The following SPAG16 variants were observed in gnomAD, a reference collection of about 807,000 sequenced individuals.
SPAG16 encodes the protein sperm-associated antigen 16 protein.
Under a neutral mutation model 80.4 loss-of-function variants are expected in SPAG16, and 86 were observed. The ratio of observed to expected loss-of-function variants is 1.07; its 90% CI spans 0.90 to 1.28. The LOEUF is 1.28. Ranked by LOEUF, SPAG16 falls within the 50% of genes most tolerant of loss-of-function variation. The probability of loss-of-function intolerance (pLI) is 0.00; values close to 1 mark genes in which losing one functional copy is unlikely to be tolerated. For missense variants in SPAG16, 870 were observed against 765.3 expected, an observed-to-expected ratio of 1.14 and a Z score of -1.61; for synonymous variants, 294 against 265.9, an observed-to-expected ratio of 1.11 and a Z score of -1.03.
intron 11 of SPAG16, among the ~76,000 whole-genome samples, chr2:213,883,916 A>G (rs1593691): frequency 0.59 from 90,390 of 151,998 alleles, 28,764 homozygotes; most frequent in South Asian, 0.85. Flanking sequence ...TGTGTGATAT[A>G]TCTCTTGAAG....
chr2:213,376,579 A>C (rs1319555522), intron 9 of SPAG16, among the ~76,000 whole-genome samples: 1 of 152,074 alleles, frequency 6.6e-6, no homozygotes, highest in Non-Finnish European at 1.5e-5. Flanking sequence ...TTATTATAAC[A>C]AATGACTGAG....
chr2:213,923,345 G>A (rs7573872), intron 11 of SPAG16, among the ~76,000 whole-genome samples: 88,772 of 151,844 alleles, frequency 0.58, 27,752 homozygotes, highest in South Asian at 0.84. Flanking sequence ...AGGCAGCGTC[G>A]TGTGCCCTGC....
chr2:213,924,034 TG>T lies in SPAG16; in HGVS notation c.1215-5921del, dbSNP rs758227744. On this transcript the variant is annotated intron_variant, in intron 11 of 15. Coordinates refer to ENST00000331683, the MANE Select transcript of SPAG16 (RefSeq NM_024532.5). ...GCATTGCCTGCCTGCCTAGCAGTGG[TG>T]GGGGTGGGTGGAGTGGCAGGCCAAA... 1.3e-4 allele frequency: 19 copies of T among 149,978 alleles called. No individual in the cohort carries two copies. In the East Asian group the frequency reaches 2.4e-3, roughly 19 times the overall value. The allele number at this position is 149,978 out of a possible 1,614,324, so 9.3% of individuals were successfully genotyped here.
intron 11 of SPAG16, among the ~76,000 whole-genome samples, chr2:213,873,438 T>C (rs1446295978): frequency 6.6e-6 from 1 of 151,856 alleles, no homozygotes; most frequent in Non-Finnish European, 1.5e-5. Context: ...TTTGTTGCTC[T>C]TTTCAAAAAA....
intron 7 of SPAG16, among the ~76,000 whole-genome samples, chr2:213,363,515 C>T (rs1261497921): frequency 6.6e-6 from 1 of 151,906 alleles, no homozygotes; most frequent in Non-Finnish European, 1.5e-5. Context: ...AATAGCTTTT[C>T]AAGGTCAAAT....
intron 9 of SPAG16, among the ~76,000 whole-genome samples, chr2:213,458,240 T>C (rs2125601370): frequency 6.6e-6 from 1 of 152,200 alleles, no homozygotes; most frequent in East Asian, 1.9e-4. Flanking sequence ...AGCTTGCATC[T>C]GAGATCATTT....
At chr2:214,387,086 C>CT (rs1191624926) in intron 15 of SPAG16, among the ~76,000 whole-genome samples, 2 of 152,062 alleles carry the variant, frequency 1.3e-5, no homozygotes, top group Admixed American at 1.3e-4. Context: ...TCTGTTCAGT[C>CT]TTTTTCCCTT....
chr2:213,794,573 G>A (rs1227155814), intron 10 of SPAG16, among the ~76,000 whole-genome samples: 1 of 151,976 alleles, frequency 6.6e-6, no homozygotes, highest in Non-Finnish European at 1.5e-5. Context: ...TATCTCCAAA[G>A]GCAGATATTG....
At chr2:214,372,213 T>C (rs1256289049) in intron 15 of SPAG16, among the ~76,000 whole-genome samples, 1 of 152,190 alleles carries the variant, frequency 6.6e-6, no homozygotes, top group Non-Finnish European at 1.5e-5. Flanking sequence ...ATTAGGGACC[T>C]AAATTTCATG....
chr2:213,747,854 C>T (rs1178894374), intron 10 of SPAG16, among the ~76,000 whole-genome samples: 4 of 152,126 alleles, frequency 2.6e-5, no homozygotes, highest in Admixed American at 1.3e-4. Context: ...TTGTCTGTAA[C>T]GTTTGAATCA....
chr2:213,688,560 C>T (rs138372584), intron 10 of SPAG16, among the ~76,000 whole-genome samples: 2,575 of 152,144 alleles, frequency 0.017, 35 homozygotes, highest in South Asian at 0.038. Context: ...AAGTAAGTCA[C>T]GATATATAGG....
chr2:214,287,822 G>T (rs1440212688), intron 15 of SPAG16, among the ~76,000 whole-genome samples: 2 of 152,114 alleles, frequency 1.3e-5, no homozygotes, highest in East Asian at 1.9e-4. Context: ...TCACCTATCT[G>T]TATTTTAGTA....
At chr2:214,176,200 A>G (rs770982183) in intron 15 of SPAG16, among the ~76,000 whole-genome samples, 9 of 151,358 alleles carry the variant, frequency 5.9e-5, no homozygotes, top group Non-Finnish European at 1.0e-4. Context: ...ACAAATAACT[A>G]TGTGGTGAAA....
chr2:213,483,578 A>G (rs1167633341), intron 9 of SPAG16, among the ~76,000 whole-genome samples: 1 of 152,170 alleles, frequency 6.6e-6, no homozygotes, highest in Non-Finnish European at 1.5e-5. Context: ...TCACCTAGAA[A>G]GCTCACTGAA....
intron 15 of SPAG16, among the ~76,000 whole-genome samples, chr2:214,372,542 A>T (rs1045570078): frequency 6.6e-6 from 1 of 152,070 alleles, no homozygotes; most frequent in African/African-American, 2.4e-5. Flanking sequence ...AAATTTTAAG[A>T]CTCCAATTTT....
At chr2:213,885,155 A>G (rs548435853) in intron 11 of SPAG16, among the ~76,000 whole-genome samples, 1 of 152,138 alleles carries the variant, frequency 6.6e-6, no homozygotes, top group Non-Finnish European at 1.5e-5. Flanking sequence ...ATGTTTTTAG[A>G]CAGCCAATAT....
chr2:214,398,021 C>A (rs909544920), intron 15 of SPAG16, among the ~76,000 whole-genome samples: 12 of 152,082 alleles, frequency 7.9e-5, no homozygotes, highest in African/African-American at 2.9e-4. Flanking sequence ...CCAAGCTAAC[C>A]AATAAGGGAA....
rs781740938 is a variant in SPAG16 at position 213,930,164 on chromosome 2, A to G, written c.1400+19A>G. ...TTAATAGGTAAGAAGTACTTTAAAC[A>G]TTACTAATCCTCTGTGCTGATACAT... On this transcript the variant is annotated intron_variant, in intron 12 of 15. Coordinates refer to ENST00000331683, the MANE Select transcript of SPAG16 (RefSeq NM_024532.5). 4.4e-6 allele frequency: 7 copies of G among 1,602,350 alleles called. No homozygotes were observed. The African/African-American group carries it at 6.7e-5, about 15-fold the overall frequency.
chr2:213,529,764 G>A (rs978683529), intron 10 of SPAG16, among the ~76,000 whole-genome samples: 3 of 152,110 alleles, frequency 2.0e-5, no homozygotes, highest in Admixed American at 6.6e-5. Flanking sequence ...TTTAAATGGC[G>A]TTACCTGTGC....
Sources: allele counts gnomAD v4.1 joint callset (sites outside exome capture counted in the v4.1 genomes callset), GRCh38; gene constraint gnomAD v4.1.1; transcripts MANE v1.5; gene names NCBI Gene and HGNC (gene_info 2026-07-23, HGNC 2026-07-21).